The following PRDM16 variants were observed in gnomAD, a reference collection of about 807,000 sequenced individuals.
The protein encoded by PRDM16 is histone-lysine N-methyltransferase PRDM16.
PRDM16 carries 23 observed loss-of-function variants against 110.6 expected under a neutral mutation model. The ratio of observed to expected loss-of-function variants is 0.21; its 90% confidence interval spans 0.15 to 0.29. The LOEUF (loss-of-function observed/expected upper bound fraction) is 0.29. PRDM16 is among the 10% of genes least tolerant of loss of function. PRDM16 has a pLI of 1.00. For synonymous variants in PRDM16, 799 were observed against 781.8 expected, an observed-to-expected ratio of 1.02 and a Z score of -0.37; for missense variants, 1,615 against 1,794.3, an observed-to-expected ratio of 0.90 and a Z score of 1.81.
Position 3,213,586 on chromosome 1 carries a change from C to T in PRDM16, c.387+27112C>T, listed in dbSNP as rs939583264. Among the ~76,000 whole-genome samples, 3 of 152,258 alleles carry T rather than the reference C, an allele frequency of 2.0e-5. No individual in the cohort carries two copies. Among genetic ancestry groups the T allele is most frequent in the South Asian group, 4.1e-4 (2 of 4,828 alleles). ...CAGACACCTGGAACTCACTCTTTCT[C>T]CGAGGAACAGGAGCAAGTGCGGCAT... On this transcript the variant is annotated intron_variant, in intron 2 of 16. Transcript: ENST00000270722. This position sits in a 1 kb window ranked among gnomAD's most constrained non-coding sequence, Gnocchi z 5.3.
chr1:3,313,422 A>AG (rs1641514085), intron 3 of PRDM16, among the ~76,000 whole-genome samples: 1 of 152,198 alleles, frequency 6.6e-6, no homozygotes, highest in South Asian at 2.1e-4. Context: ...GCAGCTTGGC[A>AG]GGGTGGGAAA....
chr1:3,365,102 G>A (rs1642786334), intron 3 of PRDM16, among the ~76,000 whole-genome samples: 1 of 152,224 alleles, frequency 6.6e-6, no homozygotes, highest in Non-Finnish European at 1.5e-5. Flanking sequence ...GCAGCAACCT[G>A]GAGCTGGCAC....
At chr1:3,416,508 C>T (rs905233114) in intron 10 of PRDM16, among the ~76,000 whole-genome samples, 1 of 152,176 alleles carries the variant, frequency 6.6e-6, no homozygotes, top group Non-Finnish European at 1.5e-5. Context: ...CTTCTCCTCA[C>T]CCCCACACCC....
intron 1 of PRDM16, among the ~76,000 whole-genome samples, chr1:3,151,630 C>T (rs374811713): frequency 6.6e-6 from 1 of 152,228 alleles, no homozygotes; most frequent in Non-Finnish European, 1.5e-5. Flanking sequence ...AGGCCAGCGT[C>T]GACACTGCTA....
At chr1:3,131,773 G>T (rs1285172650) in intron 1 of PRDM16, among the ~76,000 whole-genome samples, 1 of 152,166 alleles carries the variant, frequency 6.6e-6, no homozygotes, top group Non-Finnish European at 1.5e-5. Flanking sequence ...AACCTCACAG[G>T]GGAGGCCGTG....
Position 3,290,189 on chromosome 1 carries a change from C to T in PRDM16, c.438+46052C>T, listed in dbSNP as rs532139252. 7.2e-5 allele frequency among the ~76,000 whole-genome samples: 11 copies of T among 152,332 alleles called. No homozygotes were observed. The highest frequency in any genetic ancestry group is 4.1e-4 in the South Asian group (2 of 4,830). ...ACACCCTACGACTCCAAGGCTGGCC[C>T]GGCACAGGGGCTCCCCTTGAGGTGG... On this transcript the variant is annotated intron_variant, in intron 3 of 16. Transcript: ENST00000270722. The surrounding 1 kb of genome is among the most constrained non-coding windows in gnomAD (Gnocchi z 4.8).
At chr1:3,314,075 G>GGGTGA (rs1553161932) in intron 3 of PRDM16, among the ~76,000 whole-genome samples, 1 of 151,234 alleles carries the variant, frequency 6.6e-6, no homozygotes, top group African/African-American at 2.5e-5. Flanking sequence ...CCCCACCGGG[G>GGGTGA]GGGGGGGCGG....
intron 5 of PRDM16, among the ~76,000 whole-genome samples, chr1:3,401,100 G>A (rs944236938): frequency 2.0e-5 from 3 of 152,180 alleles, no homozygotes; most frequent in African/African-American, 7.2e-5. Context: ...AGGGGTGCTG[G>A]GGTGGCCCAG....
intron 1 of PRDM16, among the ~76,000 whole-genome samples, chr1:3,145,651 C>T (rs571699092): frequency 1.1e-3 from 161 of 152,262 alleles, no homozygotes; most frequent in African/African-American, 3.5e-3. Flanking sequence ...CTGCGTGGTC[C>T]GTACAGTCAG....
intron 3 of PRDM16, among the ~76,000 whole-genome samples, chr1:3,322,918 G>T (rs986881169): frequency 6.6e-5 from 10 of 152,262 alleles, no homozygotes; most frequent in African/African-American, 2.4e-4. Flanking sequence ...AGTGGACTGG[G>T]GCTCCCTGTG....
intron 3 of PRDM16, among the ~76,000 whole-genome samples, chr1:3,300,876 C>T (rs1641193221): frequency 1.3e-5 from 2 of 152,150 alleles, no homozygotes; most frequent in East Asian, 1.9e-4. Context: ...TTCAGCACCA[C>T]GAATGAAGAC....
intron 1 of PRDM16, among the ~76,000 whole-genome samples, chr1:3,124,722 C>A (rs1643168104): frequency 6.6e-6 from 1 of 152,236 alleles, no homozygotes; most frequent in African/African-American, 2.4e-5. Flanking sequence ...AGCCTGGTGA[C>A]AGCCCCTCGA....
intron 3 of PRDM16, among the ~76,000 whole-genome samples, chr1:3,288,084 C>A (rs1157636500): frequency 2.0e-5 from 3 of 152,254 alleles, no homozygotes; most frequent in Non-Finnish European, 4.4e-5. Context: ...CAGGCAGGGC[C>A]AGCTAGCTGC....
At chr1:3,431,943 C>T (rs769554088) in intron 15 of PRDM16, 23 bp from the exon 16 acceptor site, 13 of 1,604,776 alleles carry the variant, frequency 8.1e-6, no homozygotes, top group African/African-American at 1.3e-5. Context: ...GCAGGCCTTC[C>T]CTCTCCCCGG....
chr1:3,121,426 G>A (rs1372724514), intron 1 of PRDM16, among the ~76,000 whole-genome samples: 1 of 152,274 alleles, frequency 6.6e-6, no homozygotes, highest in Non-Finnish European at 1.5e-5. Context: ...ACCGGGCTCA[G>A]AAAAGATCAG....
intron 3 of PRDM16, among the ~76,000 whole-genome samples, chr1:3,344,195 G>A (rs778140207): frequency 5.9e-4 from 89 of 152,028 alleles, no homozygotes; most frequent in African/African-American, 2.0e-3. Flanking sequence ...ACAATTAGTC[G>A]GTTGCGATGG....
intron 3 of PRDM16, among the ~76,000 whole-genome samples, chr1:3,264,628 C>A (rs1640244428): frequency 6.9e-6 from 1 of 144,754 alleles, no homozygotes; most frequent in Non-Finnish European, 1.5e-5. Context: ...CACCCGAGGA[C>A]CCCGGGCCAG....
At chr1:3,399,488 C>A (rs1350330712) in intron 5 of PRDM16, among the ~76,000 whole-genome samples, 1 of 152,156 alleles carries the variant, frequency 6.6e-6, no homozygotes, top group East Asian at 1.9e-4. Flanking sequence ...CCTGTCCATA[C>A]CACTCAGTAA....
chr1:3,078,076 C>A (rs768869937), intron 1 of PRDM16, among the ~76,000 whole-genome samples: 1 of 152,160 alleles, frequency 6.6e-6, no homozygotes, highest in African/African-American at 2.4e-5. Context: ...GCTGTTGGCA[C>A]GTGCCACTTT....
Sources: allele counts gnomAD v4.1 joint callset (sites outside exome capture counted in the v4.1 genomes callset), GRCh38; gene constraint gnomAD v4.1.1; non-coding constraint Gnocchi (gnomAD v3.1); transcripts MANE v1.5; gene names NCBI Gene and HGNC (gene_info 2026-07-23, HGNC 2026-07-21).